Variants in ZNF804B observed in about 807,000 individuals in gnomAD.
ZNF804B encodes zinc finger 804B.
In ZNF804B, 80 loss-of-function variants were observed where a neutral mutation model predicts 101.4. That is an observed-to-expected ratio of 0.79 (90% CI 0.66 to 0.95). The LOEUF (loss-of-function observed/expected upper bound fraction) is 0.95, where lower values mean the gene tolerates loss of function less well. Ranked by LOEUF, ZNF804B falls within the 40% of genes least tolerant of loss-of-function variation. The probability of loss-of-function intolerance (pLI) is 0.00; values close to 1 mark genes in which losing one functional copy is unlikely to be tolerated. For synonymous variants in ZNF804B, 622 were observed against 558.8 expected (o/e 1.11, Z -1.59); for missense variants, 1,673 against 1,561.9 (o/e 1.07, Z -1.20).
At chr7:89,191,817 G>A (rs1162128902) in intron 1 of ZNF804B, among the ~76,000 whole-genome samples, 1 of 152,112 alleles carries the variant, frequency 6.6e-6, no homozygotes, top group African/African-American at 2.4e-5. Context: ...AAGCAGAAAT[G>A]TCAAAGTGTG....
At chr7:89,139,421 C>T (rs1006347303) in intron 1 of ZNF804B, among the ~76,000 whole-genome samples, 9 of 152,188 alleles carry the variant, frequency 5.9e-5, no homozygotes, top group African/African-American at 2.2e-4. Flanking sequence ...CCTCCTTTCA[C>T]AAAAGATTTC....
At chr7:88,990,147 T>C (rs190671661) in intron 1 of ZNF804B, among the ~76,000 whole-genome samples, 5 of 152,008 alleles carry the variant, frequency 3.3e-5, no homozygotes, top group African/African-American at 1.2e-4. Flanking sequence ...CATATACTTT[T>C]CATGTAACAA....
chr7:89,051,823 A>G (rs1233590784), intron 1 of ZNF804B, among the ~76,000 whole-genome samples: 1 of 152,118 alleles, frequency 6.6e-6, no homozygotes, highest in African/African-American at 2.4e-5. Context: ...TGTCTTCCAC[A>G]TCTCTTACCA....
intron 1 of ZNF804B, among the ~76,000 whole-genome samples, chr7:88,889,617 T>G (rs1449864738): frequency 6.6e-6 from 1 of 152,246 alleles, no homozygotes; most frequent in East Asian, 1.9e-4. Flanking sequence ...TTCATGCCCT[T>G]TGCCCACTTT....
intron 1 of ZNF804B, among the ~76,000 whole-genome samples, chr7:89,040,810 T>C (rs1209266215): frequency 6.6e-6 from 1 of 152,132 alleles, no homozygotes; most frequent in Non-Finnish European, 1.5e-5. Context: ...TACGTGCAGT[T>C]TATCTGATGG....
At chr7:88,914,093 G>A (rs919150690) in intron 1 of ZNF804B, among the ~76,000 whole-genome samples, 2 of 152,132 alleles carry the variant, frequency 1.3e-5, no homozygotes, top group African/African-American at 4.8e-5. Flanking sequence ...GAATAGGTGG[G>A]TTTGTGGACA....
intron 2 of ZNF804B, among the ~76,000 whole-genome samples, chr7:89,289,026 A>G (rs1790247516): frequency 6.6e-6 from 1 of 152,220 alleles, no homozygotes; most frequent in Non-Finnish European, 1.5e-5. Flanking sequence ...AGACCATAAT[A>G]AGTTAAGAGT....
At chr7:88,865,176 C>T (rs1295006923) in intron 1 of ZNF804B, among the ~76,000 whole-genome samples, 5 of 145,844 alleles carry the variant, frequency 3.4e-5, no homozygotes, top group Non-Finnish European at 7.4e-5. Context: ...TGTGGTGAGT[C>T]GAGATGGCAC....
chr7:89,282,546 AC>A (rs1183298670), intron 2 of ZNF804B, among the ~76,000 whole-genome samples: 11 of 152,008 alleles, frequency 7.2e-5, no homozygotes, highest in Admixed American at 7.2e-4. Flanking sequence ...GCTGAATAAT[AC>A]CCCCTCTCCT....
rs754310291 is a variant in ZNF804B at position 89,335,512 on chromosome 7, C to G, written c.2530C>G (p.Pro844Ala). The change falls in exon 4 of 4, where the codon CCT becomes GCT. Residue 844 changes from proline (P) to alanine (A), a missense_variant. By Grantham distance (27) the Pro-to-Ala change is conservative (BLOSUM62 -1). Coordinates refer to ENST00000333190, the MANE Select transcript of ZNF804B (RefSeq NM_181646.5). Reference protein sequence around the residue: ...ISCTGSSKKPPNCQGTQHDRL... With the variant: ...ISCTGSSKKPANCQGTQHDRL... ...CTGTACTGGAAGCAGTAAAAAACCACCTAATTGCCAGGGAACTCAGCACGA... is the reference window on the plus strand; with the variant it reads ...CTGTACTGGAAGCAGTAAAAAACCAGCTAATTGCCAGGGAACTCAGCACGA... 46 of 1,613,828 alleles carry G rather than the reference C, an allele frequency of 2.9e-5. No individual in the cohort carries two copies. In the South Asian group the frequency reaches 4.6e-4, roughly 16 times the overall value.
intron 1 of ZNF804B, among the ~76,000 whole-genome samples, chr7:89,150,662 T>C (rs543328913): frequency 6.6e-6 from 1 of 152,238 alleles, no homozygotes; most frequent in South Asian, 2.1e-4. Flanking sequence ...TATATTTCCA[T>C]TTTGGGTCAT....
At chr7:88,909,425 C>T (rs537513105) in intron 1 of ZNF804B, among the ~76,000 whole-genome samples, 1 of 151,826 alleles carries the variant, frequency 6.6e-6, no homozygotes, top group African/African-American at 2.4e-5. Flanking sequence ...CTTCAGTAAG[C>T]ACTGAAAAGG....
At chr7:89,028,481 C>A (rs1384649892) in intron 1 of ZNF804B, among the ~76,000 whole-genome samples, 1 of 152,044 alleles carries the variant, frequency 6.6e-6, no homozygotes, top group Non-Finnish European at 1.5e-5. Context: ...ATAAAATATA[C>A]CGTGTGGGTG....
chr7:88,971,766 A>G (rs1793540996), intron 1 of ZNF804B, among the ~76,000 whole-genome samples: 1 of 151,486 alleles, frequency 6.6e-6, no homozygotes, highest in African/African-American at 2.4e-5. Flanking sequence ...TTACCCTTTT[A>G]TTATTATTTA....
At chr7:89,111,164 T>G (rs1790210253) in intron 1 of ZNF804B, among the ~76,000 whole-genome samples, 1 of 152,234 alleles carries the variant, frequency 6.6e-6, no homozygotes, top group South Asian at 2.1e-4. Flanking sequence ...GTTTTGACAA[T>G]TATGAATAAA....
At chr7:89,118,631 T>C (rs577174325) in intron 1 of ZNF804B, among the ~76,000 whole-genome samples, 11 of 152,326 alleles carry the variant, frequency 7.2e-5, no homozygotes, top group African/African-American at 2.4e-4. Flanking sequence ...TTTAATGTTA[T>C]TAAATTAAGT....
intron 1 of ZNF804B, among the ~76,000 whole-genome samples, chr7:88,829,980 C>G (rs185752809): frequency 1.8e-4 from 28 of 152,180 alleles, no homozygotes; most frequent in Admixed American, 5.9e-4. Context: ...TTGAAGAAAG[C>G]TAGTTAAGCT....
rs755040933 is a variant in ZNF804B at position 89,218,176 on chromosome 7, A to G, written c.130A>G (p.Thr44Ala). The G allele has an allele frequency of 6.2e-7, 1 of 1,613,090 alleles. No individual in the cohort carries two copies. The highest frequency in any genetic ancestry group is 1.7e-5 in the Admixed American group (1 of 59,848). ...PSPDFAEKKSTAKALEDVKAN... is the reference protein window; with the variant it reads ...PSPDFAEKKSAAKALEDVKAN... ...AAAGGATTTTGCAGAAAAGAAGTCC[A>G]CAGCAAAGGCCCTGGAAGATGTAAA... Residue 44 changes from threonine (T) to alanine (A), a missense_variant, in exon 2 of 4, where the codon ACA becomes GCA. By Grantham distance (58) the Thr-to-Ala change is moderately conservative. Coordinates refer to ENST00000333190, the MANE Select transcript of ZNF804B (RefSeq NM_181646.5).
intron 1 of ZNF804B, among the ~76,000 whole-genome samples, chr7:88,818,021 C>T (rs1303414172): frequency 6.6e-6 from 1 of 152,180 alleles, no homozygotes; most frequent in African/African-American, 2.4e-5. Flanking sequence ...TGGCATTGTG[C>T]TCAGGCCACT....
Sources: gnomAD v4.1 joint callset for allele counts (sites outside exome capture counted in the v4.1 genomes callset) on GRCh38, gnomAD v4.1.1 for gene constraint, MANE v1.5 for transcripts, NCBI Gene and HGNC (gene_info 2026-07-23, HGNC 2026-07-21) for gene names.